The following HS3ST4 variants were observed in gnomAD, a reference collection of about 807,000 sequenced individuals.
The protein encoded by HS3ST4 is heparan sulfate-glucosamine 3-sulfotransferase 4, also known as heparan sulfate glucosamine 3-O-sulfotransferase 4.
HS3ST4 carries 17 observed loss-of-function variants against 29.2 expected under a neutral mutation model. That is an observed-to-expected ratio of 0.58 (90% CI 0.40 to 0.87). The LOEUF is 0.87. Among genes scored for constraint, HS3ST4 ranks in the 40% least tolerant of loss-of-function variants. HS3ST4 has a pLI of 0.00. For synonymous variants in HS3ST4, 314 were observed against 285.7 expected (o/e 1.10, Z -1.00); for missense variants, 627 against 634.5 (o/e 0.99, Z 0.13).
intron 1 of HS3ST4, among the ~76,000 whole-genome samples, chr16:25,986,792 G>C (rs918835634): frequency 6.6e-6 from 1 of 152,216 alleles, no homozygotes; most frequent in Admixed American, 6.5e-5. Context: ...GGTGGCGCTT[G>C]ACTCTGATCA....
chr16:26,047,358 C>T (rs1412392489), intron 1 of HS3ST4, among the ~76,000 whole-genome samples: 16 of 152,220 alleles, frequency 1.1e-4, no homozygotes, highest in South Asian at 2.1e-4. Context: ...CAGAAGATTT[C>T]GATCAATATT....
chr16:25,857,951 T>TCTTTCTTTC, intron 1 of HS3ST4, among the ~76,000 whole-genome samples: 1 of 55,852 alleles, frequency 1.8e-5, no homozygotes, highest in East Asian at 5.8e-4. Context: ...TTTCTTTCTT[T>TCTTTCTTTC]CTTTCTTTCT....
intron 1 of HS3ST4, among the ~76,000 whole-genome samples, chr16:25,923,369 T>C (rs535122808): frequency 6.6e-6 from 1 of 152,338 alleles, no homozygotes; most frequent in African/African-American, 2.4e-5. Flanking sequence ...TGTGTCTCTA[T>C]GTCCAAGCTG....
intron 1 of HS3ST4, among the ~76,000 whole-genome samples, chr16:26,084,049 T>C (rs1210340145): frequency 6.6e-6 from 1 of 152,186 alleles, no homozygotes; most frequent in South Asian, 2.1e-4. Flanking sequence ...CGTGGTGAGA[T>C]GGAAGATTTC....
Position 25,824,307 on chromosome 16 carries a change from G to A in HS3ST4, c.734+131156G>A, listed in dbSNP as rs943388519. On this transcript the variant is annotated intron_variant, in intron 1 of 1. Coordinates refer to ENST00000331351, the MANE Select transcript of HS3ST4 (RefSeq NM_006040.3). ...TATGGCCAGATATGGGACATTGCCA[G>A]CACAGCACTCTCCCAGTTGCCATGT... 3.9e-5 allele frequency among the ~76,000 whole-genome samples: 6 copies of A among 152,310 alleles called. No individual in the cohort carries two copies. In the East Asian group the frequency reaches 7.7e-4, roughly 20 times the overall value.
At chr16:25,717,305 A>G (rs1214330134) in intron 1 of HS3ST4, among the ~76,000 whole-genome samples, 1 of 152,174 alleles carries the variant, frequency 6.6e-6, no homozygotes, top group African/African-American at 2.4e-5. Context: ...GAGAAGAAAG[A>G]TGTAATCAAT....
At chr16:25,968,194 A>C (rs1473212311) in intron 1 of HS3ST4, among the ~76,000 whole-genome samples, 4 of 152,134 alleles carry the variant, frequency 2.6e-5, no homozygotes, top group African/African-American at 7.2e-5. Context: ...AAGCGGATGG[A>C]GCCCCTGGCC....
At chr16:25,926,023 G>A (rs1018544239) in intron 1 of HS3ST4, among the ~76,000 whole-genome samples, 4 of 151,350 alleles carry the variant, frequency 2.6e-5, no homozygotes, top group African/African-American at 9.7e-5. Flanking sequence ...CATCCTGAAG[G>A]GTTGGTTGAA....
intron 1 of HS3ST4, among the ~76,000 whole-genome samples, chr16:25,771,472 A>G (rs367891677): frequency 6.6e-6 from 1 of 151,480 alleles, no homozygotes. Flanking sequence ...CTTTGCACAG[A>G]CTCTCCTCTC....
At chr16:26,033,801 T>A (rs1596657464) in intron 1 of HS3ST4, among the ~76,000 whole-genome samples, 1 of 152,250 alleles carries the variant, frequency 6.6e-6, no homozygotes, top group East Asian at 1.9e-4. Flanking sequence ...TGGATTTCAC[T>A]TCATGCTGCG....
At chr16:25,985,984 C>A (rs1333820955) in intron 1 of HS3ST4, among the ~76,000 whole-genome samples, 1 of 152,134 alleles carries the variant, frequency 6.6e-6, no homozygotes, top group African/African-American at 2.4e-5. Context: ...CATAACTGGC[C>A]CTTCCTTTCC....
chr16:25,836,624 A>C (rs1367753634), intron 1 of HS3ST4, among the ~76,000 whole-genome samples: 1 of 152,228 alleles, frequency 6.6e-6, no homozygotes. Context: ...AGCTAAAATA[A>C]CAGTAGAGCT....
At chr16:25,967,105 T>C (rs1009267797) in intron 1 of HS3ST4, among the ~76,000 whole-genome samples, 3 of 152,222 alleles carry the variant, frequency 2.0e-5, no homozygotes, top group African/African-American at 7.2e-5. Flanking sequence ...TGCAGACATA[T>C]GTTTGAGAAC....
At chr16:25,892,164 C>T (rs1455737006) in intron 1 of HS3ST4, among the ~76,000 whole-genome samples, 1 of 152,058 alleles carries the variant, frequency 6.6e-6, no homozygotes, top group Non-Finnish European at 1.5e-5. Context: ...AAAATCTGAC[C>T]TCAAAAGAAT....
chr16:25,761,566 G>A (rs1966788842), intron 1 of HS3ST4, among the ~76,000 whole-genome samples: 1 of 152,216 alleles, frequency 6.6e-6, no homozygotes, highest in South Asian at 2.1e-4. Context: ...TTTGTTGGAT[G>A]GAGAAAGTCA....
chr16:26,049,743 T>G (rs1306288708), intron 1 of HS3ST4, among the ~76,000 whole-genome samples: 2 of 152,162 alleles, frequency 1.3e-5, no homozygotes, highest in Non-Finnish European at 2.9e-5. Flanking sequence ...ATTTTACCTG[T>G]GCCTCTAACC....
chr16:26,100,640 A>C (rs1898979389), intron 1 of HS3ST4, among the ~76,000 whole-genome samples: 1 of 152,124 alleles, frequency 6.6e-6, no homozygotes, highest in South Asian at 2.1e-4. Context: ...TAATGAGGAA[A>C]CTTTTCCCCT....
chr16:25,837,728 C>G (rs1002659389), intron 1 of HS3ST4, among the ~76,000 whole-genome samples: 2 of 151,982 alleles, frequency 1.3e-5, no homozygotes, highest in Non-Finnish European at 2.9e-5. Context: ...AAAAAAAATC[C>G]TGTTGCATAT....
chr16:25,695,472 C>T (rs993969478), intron 1 of HS3ST4, among the ~76,000 whole-genome samples: 1 of 152,222 alleles, frequency 6.6e-6, no homozygotes, highest in Non-Finnish European at 1.5e-5. Flanking sequence ...TCCAGCCTTA[C>T]CACAGACAGC....
Sources: allele counts gnomAD v4.1 joint callset (sites outside exome capture counted in the v4.1 genomes callset), GRCh38; gene constraint gnomAD v4.1.1; transcripts MANE v1.5; gene names NCBI Gene and HGNC (gene_info 2026-07-23, HGNC 2026-07-21).